Variants in PRTG observed in about 807,000 individuals in gnomAD.
PRTG encodes protogenin, also known as immunoglobulin superfamily, DCC subclass, member 5.
A neutral mutation model predicts 122.5 loss-of-function variants in PRTG; 67 were observed. The observed-to-expected ratio is 0.55, with a 90% CI of 0.45 to 0.67. The LOEUF (loss-of-function observed/expected upper bound fraction) is 0.67, where lower values mean the gene tolerates loss of function less well. PRTG is among the 30% of genes least tolerant of loss of function. The pLI, the probability that PRTG is intolerant of heterozygous loss-of-function variation, is 0.00. For missense variants in PRTG, 1,435 were observed against 1,415.4 expected (o/e 1.01, Z -0.22); for synonymous variants, 554 against 501.1 (o/e 1.11, Z -1.41).
intron 11 of PRTG, among the ~76,000 whole-genome samples, chr15:55,662,144 G>A (rs2059413677): frequency 6.6e-6 from 1 of 152,120 alleles, no homozygotes. Flanking sequence ...AAGAAGTATA[G>A]GCATATATTG....
chr15:55,621,904 A>G (rs555586445), intron 18 of PRTG, among the ~76,000 whole-genome samples: 1 of 152,348 alleles, frequency 6.6e-6, no homozygotes, highest in East Asian at 1.9e-4. Context: ...TCAGTACATT[A>G]TTCTCTCAAC....
chr15:55,641,146 C>A lies in PRTG; in HGVS notation c.2104G>T (p.Ala702Ser), dbSNP rs949540673. 4 of 1,613,788 alleles carry A rather than the reference C, an allele frequency of 2.5e-6. No individual in the cohort carries two copies. The African/African-American group carries it at 5.3e-5, about 22-fold the overall frequency. ...AYNNIDDGYQ[A>S]DQTVSTPGCV... ...CCTGGAGTGCTGACAGTCTGATCTGCCTGATAGCCATCGTCTATGTTGTTG... is the reference window on the plus strand; with the variant it reads ...CCTGGAGTGCTGACAGTCTGATCTGACTGATAGCCATCGTCTATGTTGTTG... Residue 702 changes from alanine (A) to serine (S), a missense_variant, in exon 12 of 20, where the codon GCA (alanine) becomes TCA (serine). Transcript: ENST00000389286.
At chr15:55,698,765 T>C (rs2059645638) in intron 2 of PRTG, among the ~76,000 whole-genome samples, 1 of 151,898 alleles carries the variant, frequency 6.6e-6, no homozygotes, top group Admixed American at 6.6e-5. Flanking sequence ...TGGTATAGTG[T>C]CAGAATTTGT....
intron 2 of PRTG, among the ~76,000 whole-genome samples, chr15:55,739,689 T>C (rs1427900607): frequency 6.6e-6 from 1 of 152,184 alleles, no homozygotes; most frequent in East Asian, 1.9e-4. Context: ...CACCAAGCAA[T>C]GGATCACTTG....
At chr15:55,712,888 T>A (rs2030446057) in intron 2 of PRTG, among the ~76,000 whole-genome samples, 1 of 152,244 alleles carries the variant, frequency 6.6e-6, no homozygotes, top group Admixed American at 6.5e-5. Flanking sequence ...GCACATTTTA[T>A]GTCTGACAAA....
chr15:55,671,910 G>A (rs552299321), intron 11 of PRTG, among the ~76,000 whole-genome samples: 3 of 152,270 alleles, frequency 2.0e-5, no homozygotes, highest in South Asian at 2.1e-4. Context: ...ATGTCTTTCA[G>A]AACACTGACG....
chr15:55,679,425 A>T lies in PRTG; in HGVS notation c.994T>A (p.Trp332Arg). The T allele has an allele frequency of 1.2e-6, 2 of 1,610,274 alleles. No individual in the cohort carries two copies. The highest frequency in any genetic ancestry group is 8.5e-7 in the Non-Finnish European group (1 of 1,178,140). The change falls in exon 7 of 20, where the codon TGG becomes AGG. Residue 332 changes from tryptophan (W) to arginine (R), a missense_variant. Physicochemically the swap from Trp to Arg is moderately radical, Grantham distance 101. Coordinates refer to ENST00000389286, the MANE Select transcript of PRTG (RefSeq NM_173814.6). The stretch of plus-strand genomic sequence containing the variant: ...CGAGGCCTTGTTAAACTTTCTGGCC[A>T]TTCAACAAATGAAGGAGGAGCTATT... ...TVLAPPSFVE[W>R]PESLTRPRAG...
intron 11 of PRTG, among the ~76,000 whole-genome samples, chr15:55,650,780 C>T (rs1049075552): frequency 1.3e-5 from 2 of 152,036 alleles, no homozygotes; most frequent in Non-Finnish European, 2.9e-5. Context: ...ACCCGGGCAA[C>T]ACAGCAAAGC....
chr15:55,691,795 T>TA, intron 2 of PRTG, among the ~76,000 whole-genome samples: 2 of 152,004 alleles, frequency 1.3e-5, no homozygotes, highest in East Asian at 3.9e-4. Flanking sequence ...CAAACAAAAG[T>TA]ATGTCTACTT....
Position 55,738,027 on chromosome 15 carries a change from C to T in PRTG, c.397+2355G>A, listed in dbSNP as rs1366264397. On this transcript the variant is annotated intron_variant, in intron 2 of 19. Coordinates refer to ENST00000389286, the MANE Select transcript of PRTG (RefSeq NM_173814.6). ...CTATATATATATATATATATATATA[C>T]ACACACACACACACACACACACACC... is the stretch of plus-strand genomic sequence containing the variant. 8.0e-3 allele frequency among the ~76,000 whole-genome samples: 878 copies of T among 109,694 alleles called. 4 individuals are homozygous for T. Among genetic ancestry groups the T allele is most frequent in the Admixed American group, 0.018 (179 of 9,972 alleles). The allele number at this position is 109,694 out of a possible 152,430, so 72.0% of individuals were successfully genotyped here.
chr15:55,696,548 G>A (rs1228850672), intron 2 of PRTG, among the ~76,000 whole-genome samples: 4 of 152,048 alleles, frequency 2.6e-5, no homozygotes, highest in African/African-American at 9.7e-5. Flanking sequence ...GCTATCAATA[G>A]GTGAAAGTTA....
chr15:55,677,865 G>A lies in PRTG; in HGVS notation c.1313C>T (p.Ala438Val). ...TGAATTATAAAGTGGCCTCTCCCAG[G>A]CTAAAAGAATGGCTGAGCTTGACAT... ...ETMSSSAILL[A>V]WERPLYNSDK... Residue 438 changes from alanine to valine, a missense_variant, in exon 8 of 20, where the codon GCC (alanine) becomes GTC (valine). Physicochemically the swap from Ala to Val is moderately conservative, Grantham distance 64. Transcript: ENST00000389286. 6.2e-7 allele frequency: 1 copy of A among 1,613,778 alleles called. No individual in the cohort carries two copies. The highest frequency in any genetic ancestry group is 1.1e-5 in the South Asian group (1 of 91,080).
chr15:55,709,179 TAC>T (rs2030276800), intron 2 of PRTG, among the ~76,000 whole-genome samples: 1 of 134,066 alleles, frequency 7.5e-6, no homozygotes, highest in African/African-American at 2.8e-5. Context: ...AAAAAAGAAT[TAC>T]AGACGTTTTT....
At chr15:55,721,183 T>C (rs1273381314) in intron 2 of PRTG, among the ~76,000 whole-genome samples, 2 of 152,180 alleles carry the variant, frequency 1.3e-5, no homozygotes. Flanking sequence ...TAACCTAAAA[T>C]GTGTCTTCCA....
intron 2 of PRTG, among the ~76,000 whole-genome samples, chr15:55,736,212 C>T (rs1462470037): frequency 6.6e-6 from 1 of 152,064 alleles, no homozygotes; most frequent in Non-Finnish European, 1.5e-5. Flanking sequence ...AGTGAATAGG[C>T]ACGCAGGTAA....
intron 11 of PRTG, among the ~76,000 whole-genome samples, chr15:55,659,285 A>T (rs2059396621): frequency 6.6e-6 from 1 of 152,222 alleles, no homozygotes; most frequent in African/African-American, 2.4e-5. Flanking sequence ...GCTTATTCAA[A>T]CCAACTGATA....
intron 2 of PRTG, among the ~76,000 whole-genome samples, chr15:55,739,616 T>C (rs1175381755): frequency 6.6e-6 from 1 of 152,178 alleles, no homozygotes; most frequent in African/African-American, 2.4e-5. Context: ...AAAGCCTCAG[T>C]GGGCATAAGG....
intron 11 of PRTG, among the ~76,000 whole-genome samples, chr15:55,643,904 C>T (rs28399707): frequency 0.017 from 2,637 of 152,100 alleles, 90 homozygotes; most frequent in African/African-American, 0.061. Flanking sequence ...CACTCTGCTG[C>T]CCAGGCTGGA....
Position 55,613,056 on chromosome 15 carries a change from T to C in PRTG, c.*6956A>G, listed in dbSNP as rs1043497893. On this transcript the variant is annotated 3_prime_UTR_variant, in exon 20 of 20. Transcript: ENST00000389286. ...TACACTTGAATTTTCTCTTAAGTTT[T>C]CAAAGTACTATTGTTTCATTTTGCA... The C allele has an allele frequency of 5.9e-5, 9 of 152,060 alleles. No individual in the cohort carries two copies. The highest frequency in any genetic ancestry group is 4.6e-4 in the Admixed American group (7 of 15,260). 9.4% of individuals were successfully genotyped at this position (152,060 alleles called of 1,614,324 possible).
Sources: allele counts gnomAD v4.1 joint callset (sites outside exome capture counted in the v4.1 genomes callset), GRCh38; gene constraint gnomAD v4.1.1; transcripts MANE v1.5; gene names NCBI Gene and HGNC (gene_info 2026-07-23, HGNC 2026-07-21).